The following SHQ1 variants were observed in gnomAD, a reference collection of about 807,000 sequenced individuals.
SHQ1 encodes SHQ1, H/ACA ribonucleoprotein assembly factor.
Under a neutral mutation model 53.8 loss-of-function variants are expected in SHQ1, and 49 were observed. The ratio of observed to expected loss-of-function variants is 0.91; its 90% CI spans 0.72 to 1.16. The LOEUF is 1.16. Ranked by LOEUF, SHQ1 falls within the 50% of genes most tolerant of loss-of-function variation. The probability of loss-of-function intolerance (pLI) is 0.00; values close to 1 mark genes in which losing one functional copy is unlikely to be tolerated. For synonymous variants in SHQ1, 243 were observed against 251.0 expected, an observed-to-expected ratio of 0.97 and a Z score of 0.30; for missense variants, 738 against 683.1, an observed-to-expected ratio of 1.08 and a Z score of -0.90.
intron 5 of SHQ1, among the ~76,000 whole-genome samples, chr3:72,826,178 A>G (rs534987956): frequency 2.6e-5 from 4 of 152,368 alleles, no homozygotes; most frequent in African/African-American, 9.6e-5. Flanking sequence ...ATTAGACAAA[A>G]CTGAACAGCT....
At chr3:72,826,783 A>G (rs1707671432) in intron 5 of SHQ1, among the ~76,000 whole-genome samples, 1 of 152,238 alleles carries the variant, frequency 6.6e-6, no homozygotes, top group Admixed American at 6.5e-5. Context: ...AGAAAACAAG[A>G]AGGCACATTT....
At chr3:72,763,032 C>T (rs1477929911) in intron 10 of SHQ1, among the ~76,000 whole-genome samples, 1 of 132,738 alleles carries the variant, frequency 7.5e-6, no homozygotes, top group Non-Finnish European at 1.6e-5. Flanking sequence ...TACACACACA[C>T]ACACACACAC....
chr3:72,773,810 A>G (rs1705902859), intron 10 of SHQ1, among the ~76,000 whole-genome samples: 1 of 152,240 alleles, frequency 6.6e-6, no homozygotes, highest in South Asian at 2.1e-4. Flanking sequence ...GTCAACCTGC[A>G]TAACGACAAG....
At chr3:72,744,815 T>C (rs1705227227), downstream of SHQ1, among the ~76,000 whole-genome samples, 1 of 151,904 alleles carries the variant, frequency 6.6e-6, no homozygotes. Flanking sequence ...ATCTTTCATT[T>C]GCTCTAATGG....
At chr3:72,748,422 C>T (rs1056691633), downstream of SHQ1, among the ~76,000 whole-genome samples, 5 of 146,422 alleles carry the variant, frequency 3.4e-5, no homozygotes, top group African/African-American at 1.3e-4. Context: ...CGGGCGTGGT[C>T]GCTCATGCCT....
chr3:72,809,575 T>G (rs1334289893), intron 9 of SHQ1: 1 of 152,144 alleles, frequency 6.6e-6, no homozygotes, highest in African/African-American at 2.4e-5. Context: ...TTCTATACAT[T>G]AATAAGATGT....
intron 10 of SHQ1, among the ~76,000 whole-genome samples, chr3:72,779,692 C>A (rs1019286518): frequency 6.6e-6 from 1 of 152,116 alleles, no homozygotes; most frequent in Non-Finnish European, 1.5e-5. Context: ...ATTAAACAAC[C>A]ACCATTTCCA....
intron 5 of SHQ1, among the ~76,000 whole-genome samples, chr3:72,831,351 A>C (rs1707813125): frequency 6.6e-6 from 1 of 152,242 alleles, no homozygotes. Flanking sequence ...ACAGCAGTTA[A>C]ACTGAAATAG....
At chr3:72,748,329 C>CAAAAAAAAAAAAA (rs572927520), downstream of SHQ1, among the ~76,000 whole-genome samples, 38 of 58,778 alleles carry the variant, frequency 6.5e-4, 1 homozygote, top group East Asian at 1.3e-3. Flanking sequence ...ATGAGGCATG[C>CAAAAAAAAAAAAA]AAAAAAAAAA....
chr3:72,769,010 C>A (rs1705790992), intron 10 of SHQ1, among the ~76,000 whole-genome samples: 1 of 152,232 alleles, frequency 6.6e-6, no homozygotes, highest in Non-Finnish European at 1.5e-5. Flanking sequence ...ATGGCTCCTG[C>A]TTGAATGGGA....
intron 2 of SHQ1, 103 bp downstream of exon 2, chr3:72,844,256 T>C (rs991624749): frequency 1.1e-6 from 1 of 912,920 alleles, no homozygotes; most frequent in Non-Finnish European, 1.7e-6. Flanking sequence ...ACAGATTGTA[T>C]TTGAAAGACA....
rs1705331924 is a variant in SHQ1 at position 72,750,088 on chromosome 3, C to T, written c.*196G>A. On this transcript the variant is annotated 3_prime_UTR_variant, in exon 11 of 11. Transcript: ENST00000325599. ...AATAATAACAAGAAAAAAGTCTGTA[C>T]ATGTTTGGTACAGATGCGATTTTTT... 1.6e-5 allele frequency: 9 copies of T among 571,086 alleles called. No individual in the cohort carries two copies. The highest frequency in any genetic ancestry group is 2.8e-5 in the Non-Finnish European group (9 of 325,884). The allele number at this position is 571,086 out of a possible 1,614,324, so 35.4% of individuals were successfully genotyped here.
chr3:72,835,106 C>CTTTTTT (rs761840255), intron 4 of SHQ1, among the ~76,000 whole-genome samples: 1 of 130,776 alleles, frequency 7.6e-6, no homozygotes, highest in African/African-American at 2.8e-5. Flanking sequence ...CCATCAGCTT[C>CTTTTTT]TTTTTTTTTT....
chr3:72,841,773 T>C (rs1021695340), intron 3 of SHQ1, among the ~76,000 whole-genome samples: 1 of 152,196 alleles, frequency 6.6e-6, no homozygotes, highest in Non-Finnish European at 1.5e-5. Context: ...CATCAGGCTT[T>C]AGATTCTCAT....
chr3:72,748,000 A>AC (rs200606910), downstream of SHQ1, among the ~76,000 whole-genome samples: 221 of 151,910 alleles, frequency 1.5e-3, no homozygotes, highest in Middle Eastern at 3.4e-3. Flanking sequence ...GAAAAAAAAA[A>AC]ACACACACTC....
At chr3:72,735,621 C>T in the SHQ1 span, among the ~76,000 whole-genome samples, 473 of 143,626 alleles carry the variant, frequency 3.3e-3, 5 homozygotes, top group African/African-American at 0.012. Context: ...TCCAAGGTTC[C>T]AAAGTACCTG....
intron 9 of SHQ1, chr3:72,793,263 T>C: frequency 2.9e-6 from 1 of 339,538 alleles, no homozygotes; most frequent in South Asian, 3.8e-5. Flanking sequence ...ATTCCAGCAC[T>C]TTGGGAGGCC....
the SHQ1 span, among the ~76,000 whole-genome samples, chr3:72,741,540 C>T: frequency 5.3e-4 from 81 of 151,804 alleles, no homozygotes; most frequent in East Asian, 7.0e-3. Flanking sequence ...GAGCTGAGAT[C>T]GTGCCACTGC....
At chr3:72,820,345 T>C (rs1460787594) in intron 6 of SHQ1, among the ~76,000 whole-genome samples, 1 of 152,218 alleles carries the variant, frequency 6.6e-6, no homozygotes, top group African/African-American at 2.4e-5. Flanking sequence ...GCTGCTAGAC[T>C]TTCCCTAAAA....
Sources: gnomAD v4.1 joint callset for allele counts (sites outside exome capture counted in the v4.1 genomes callset) on GRCh38, gnomAD v4.1.1 for gene constraint, MANE v1.5 for transcripts, NCBI Gene and HGNC (gene_info 2026-07-23, HGNC 2026-07-21) for gene names.